The following RBFOX2 variants were observed in gnomAD, a reference collection of about 807,000 sequenced individuals.
The protein encoded by RBFOX2 is RNA binding protein fox-1 homolog 2.
Under a neutral mutation model 49.1 loss-of-function variants are expected in RBFOX2, and 10 were observed. The ratio of observed to expected loss-of-function variants is 0.20; its 90% confidence interval spans 0.13 to 0.35. RBFOX2 has a LOEUF of 0.35. RBFOX2 is among the 10% of genes least tolerant of loss of function. The probability of loss-of-function intolerance (pLI) is 1.00; values close to 1 mark genes in which losing one functional copy is unlikely to be tolerated. For synonymous variants in RBFOX2, 183 were observed against 187.4 expected, an observed-to-expected ratio of 0.98 and a Z score of 0.19; for missense variants, 323 against 486.9, an observed-to-expected ratio of 0.66 and a Z score of 3.17.
chr22:35,927,484 A>G (rs1016380494), intron 1 of RBFOX2, among the ~76,000 whole-genome samples: 4 of 151,828 alleles, frequency 2.6e-5, no homozygotes, highest in African/African-American at 7.3e-5. Context: ...CATGCCTGTA[A>G]TCCCAGCTAC....
Position 35,749,184 on chromosome 22 carries a change from A to G in RBFOX2, c.888-2623T>C, listed in dbSNP as rs1369967906. Among the ~76,000 whole-genome samples the G allele has an allele frequency of 6.6e-6, 1 of 152,200 alleles. No individual in the cohort carries two copies. The highest frequency in any genetic ancestry group is 1.5e-5 in the Non-Finnish European group (1 of 68,032). ...TTTGATAAGTCAAGTCTGACTTTGA[A>G]GTTTAAACATGATGAAGTTCTCTGC... On this transcript the variant is annotated intron_variant, in intron 9 of 11. Coordinates refer to ENST00000405409, the Ensembl canonical transcript of RBFOX2. This position sits in a 1 kb window ranked among gnomAD's most constrained non-coding sequence, Gnocchi z 4.1.
chr22:36,026,541 T>TAG (rs1556557917), intron 1 of RBFOX2, among the ~76,000 whole-genome samples: 1 of 136,564 alleles, frequency 7.3e-6, no homozygotes, highest in African/African-American at 2.9e-5. Flanking sequence ...AATGAATACA[T>TAG]ACACACACAC....
intron 1 of RBFOX2, among the ~76,000 whole-genome samples, chr22:35,915,908 A>G (rs950490608): frequency 6.6e-6 from 1 of 152,170 alleles, no homozygotes; most frequent in Non-Finnish European, 1.5e-5. Context: ...TACTGAGCAC[A>G]AGCAAATCAG....
rs142140436 is a variant in RBFOX2 at position 35,834,047 on chromosome 22, A to G, written c.27+6145T>C. 4.0e-4 allele frequency among the ~76,000 whole-genome samples: 61 copies of G among 152,374 alleles called. 1 individual carries two copies. The highest frequency in any genetic ancestry group is 1.4e-3 in the African/African-American group (59 of 41,580). On this transcript the variant is annotated intron_variant, in intron 1 of 11. Transcript: ENST00000405409. ...TCAGGGATGGAAATTTCAGAAATGA[A>G]TCAGAGTCTCAACTAAATTAATTTA...
chr22:35,860,344 T>A (rs1008734766), intron 1 of RBFOX2, among the ~76,000 whole-genome samples: 1 of 152,136 alleles, frequency 6.6e-6, no homozygotes, highest in Non-Finnish European at 1.5e-5. Context: ...AGCCCCCAGA[T>A]CAACTAACCT....
At chr22:36,013,202 G>A (rs1470385636) in intron 1 of RBFOX2, among the ~76,000 whole-genome samples, 1 of 152,024 alleles carries the variant, frequency 6.6e-6, no homozygotes, top group Non-Finnish European at 1.5e-5. Flanking sequence ...GAGCCCAGGA[G>A]TTCAAGGTTG....
chr22:35,829,878 T>C (rs1229782387), intron 1 of RBFOX2, among the ~76,000 whole-genome samples: 1 of 152,120 alleles, frequency 6.6e-6, no homozygotes, highest in East Asian at 1.9e-4. Flanking sequence ...CCTGCCTGAC[T>C]CCCCAGGAGG....
At position 35,976,974 on chromosome 22, in the gene RBFOX2, A is replaced by G. The variant is rs989202840; in HGVS notation, c.187-38077T>C. Among the ~76,000 whole-genome samples the G allele has an allele frequency of 5.3e-5, 8 of 151,936 alleles. No individual in the cohort carries two copies. The East Asian group carries it at 5.8e-4, about 11-fold the overall frequency. ...CCGAGACTCCGTCTCAAAAAAAAAA[A>G]AAAAAGAAAAAGAAAAGCAAATGAA... On this transcript the variant is annotated intron_variant, in intron 1 of 13. Coordinates refer to the RBFOX2 transcript ENST00000438146.
chr22:35,934,775 A>G (rs1025868201), intron 1 of RBFOX2, among the ~76,000 whole-genome samples: 15 of 152,200 alleles, frequency 9.9e-5, no homozygotes, highest in African/African-American at 2.9e-4. Context: ...GCTGATGCAC[A>G]TAAGTATTCT....
At chr22:35,805,281 C>T (rs1353586266) in intron 2 of RBFOX2, among the ~76,000 whole-genome samples, 3 of 129,816 alleles carry the variant, frequency 2.3e-5, no homozygotes, top group Non-Finnish European at 3.1e-5. Flanking sequence ...CAGAGCGAGA[C>T]TCCGTCTCAA....
intron 2 of RBFOX2, among the ~76,000 whole-genome samples, chr22:35,805,141 T>G (rs938804360): frequency 2.0e-5 from 3 of 151,312 alleles, no homozygotes; most frequent in African/African-American, 7.3e-5. Flanking sequence ...ACACAAAAAA[T>G]TAGCCGGGCG....
At chr22:35,953,424 T>C (rs1017632586) in intron 1 of RBFOX2, among the ~76,000 whole-genome samples, 1 of 152,106 alleles carries the variant, frequency 6.6e-6, no homozygotes, top group African/African-American at 2.4e-5. Context: ...ATATATTATA[T>C]GACTCCATTT....
intron 1 of RBFOX2, among the ~76,000 whole-genome samples, chr22:36,003,177 C>T (rs2058495999): frequency 6.6e-6 from 1 of 152,216 alleles, no homozygotes; most frequent in African/African-American, 2.4e-5. Context: ...TCTTCTTTCA[C>T]ATCCTGATAT....
intron 3 of RBFOX2, among the ~76,000 whole-genome samples, chr22:35,778,310 T>C (rs1465074452): frequency 6.6e-6 from 1 of 152,242 alleles, no homozygotes; most frequent in African/African-American, 2.4e-5. Context: ...TTATTCACAG[T>C]GTTAGCCCAT....
At chr22:35,795,452 G>A (rs1948613175) in intron 2 of RBFOX2, among the ~76,000 whole-genome samples, 1 of 151,880 alleles carries the variant, frequency 6.6e-6, no homozygotes, top group African/African-American at 2.4e-5. Flanking sequence ...TACTCATTTG[G>A]GCAAATGATC....
At chr22:35,948,035 G>A (rs979189769) in intron 1 of RBFOX2, among the ~76,000 whole-genome samples, 7 of 152,118 alleles carry the variant, frequency 4.6e-5, no homozygotes, top group Admixed American at 3.9e-4. Flanking sequence ...GCATTCACAA[G>A]TGCCCTATAC....
intron 1 of RBFOX2, among the ~76,000 whole-genome samples, chr22:35,906,978 C>A (rs1250987111): frequency 6.6e-6 from 1 of 152,082 alleles, no homozygotes; most frequent in Non-Finnish European, 1.5e-5. Context: ...TTTAAAAAAT[C>A]TTTGCATAAA....
chr22:35,912,151 G>A (rs912271464), intron 1 of RBFOX2, among the ~76,000 whole-genome samples: 1 of 152,130 alleles, frequency 6.6e-6, no homozygotes, highest in East Asian at 1.9e-4. Context: ...TTGTTGAGGT[G>A]ATCTGGATGG....
chr22:35,855,306 G>A (rs1041815107), intron 1 of RBFOX2, among the ~76,000 whole-genome samples: 1 of 152,108 alleles, frequency 6.6e-6, no homozygotes, highest in Admixed American at 6.6e-5. Context: ...TGCTTTTATA[G>A]TATTAAAGTT....
Sources: allele counts gnomAD v4.1 joint callset (sites outside exome capture counted in the v4.1 genomes callset), GRCh38; gene constraint gnomAD v4.1.1; non-coding constraint Gnocchi (gnomAD v3.1); transcripts MANE v1.5; gene names NCBI Gene and HGNC (gene_info 2026-07-23, HGNC 2026-07-21).